Variants in KIRREL3 observed in about 807,000 individuals in gnomAD.
KIRREL3 encodes the protein kin of IRRE-like protein 3.
In KIRREL3, 36 loss-of-function variants were observed where a neutral mutation model predicts 89.7. The observed-to-expected ratio is 0.40, with a 90% CI of 0.31 to 0.53. The LOEUF is 0.53. Among genes scored for constraint, KIRREL3 ranks in the 20% least tolerant of loss-of-function variants. The pLI is 0.49. For synonymous variants in KIRREL3, 445 were observed against 441.4 expected, an observed-to-expected ratio of 1.01 and a Z score of -0.10; for missense variants, 864 against 1,056.6, an observed-to-expected ratio of 0.82 and a Z score of 2.53.
intron 1 of KIRREL3, among the ~76,000 whole-genome samples, chr11:126,859,447 T>C (rs923141116): frequency 2.0e-5 from 3 of 152,076 alleles, no homozygotes; most frequent in Non-Finnish European, 4.4e-5. Context: ...ATACAAGCCA[T>C]TTTATAAACA....
At chr11:126,591,845 T>C (rs1942149173) in intron 1 of KIRREL3, among the ~76,000 whole-genome samples, 1 of 152,184 alleles carries the variant, frequency 6.6e-6, no homozygotes, top group Non-Finnish European at 1.5e-5. Context: ...TTTAAGTAAC[T>C]TACACTTGGC....
In KIRREL3 at chr11:126,628,815, G is replaced by A. The variant is rs901434337; in HGVS notation, c.56-65903C>T. Among the ~76,000 whole-genome samples, 3 of 152,268 alleles carry A rather than the reference G, an allele frequency of 2.0e-5. No homozygotes were observed. The highest frequency in any genetic ancestry group is 6.5e-5 in the Admixed American group (1 of 15,304). Reference sequence around the variant, plus strand: ...CTCGCCTCTACTGCCCCCTCCGCTCGCTCTGCCTGTGCAGGGTCCATCCTG... The same window carrying A: ...CTCGCCTCTACTGCCCCCTCCGCTCACTCTGCCTGTGCAGGGTCCATCCTG... On this transcript the variant is annotated intron_variant, in intron 1 of 16. Transcript: ENST00000525144. The surrounding 1 kb of genome is among the most constrained non-coding windows in gnomAD (Gnocchi z 5.2).
At chr11:126,998,983 A>C (rs758148584) in intron 1 of KIRREL3, among the ~76,000 whole-genome samples, 11 of 144,694 alleles carry the variant, frequency 7.6e-5, no homozygotes, top group Non-Finnish European at 1.3e-4. Context: ...ATACACATCC[A>C]AGAAAGAGGG....
intron 5 of KIRREL3, among the ~76,000 whole-genome samples, chr11:126,468,201 G>A (rs1956784466): frequency 6.6e-6 from 1 of 152,156 alleles, no homozygotes; most frequent in Non-Finnish European, 1.5e-5. Context: ...CCTGCTGTGT[G>A]GACTTGGGGG....
intron 1 of KIRREL3, chr11:126,936,883 A>T (rs536546171): frequency 6.6e-6 from 1 of 152,246 alleles, no homozygotes; most frequent in African/African-American, 2.4e-5. Flanking sequence ...TTGCAAAGTT[A>T]AAACAGTAAA....
intron 1 of KIRREL3, among the ~76,000 whole-genome samples, chr11:126,971,630 T>G (rs1000444991): frequency 6.6e-6 from 1 of 152,192 alleles, no homozygotes; most frequent in Non-Finnish European, 1.5e-5. Flanking sequence ...GAAAATATCA[T>G]CAGTCCGATT....
Position 126,782,089 on chromosome 11 carries a change from TC to T in KIRREL3, c.55+218365del, listed in dbSNP as rs1174040932. Among the ~76,000 whole-genome samples, 3 of 86,384 alleles carry T rather than the reference TC, an allele frequency of 3.5e-5. No homozygotes were observed. Among genetic ancestry groups the T allele is most frequent in the African/African-American group, 1.2e-4 (3 of 25,302 alleles). 56.7% of individuals were successfully genotyped at this position (86,384 alleles called of 152,430 possible). ...GCGATGTGCTCAGCATATAATTTCC[TC>T]CTCCTGGGTTCACAGGAAGACAGGC... On this transcript the variant is annotated intron_variant, in intron 1 of 16. Coordinates refer to ENST00000525144, the MANE Select transcript of KIRREL3 (RefSeq NM_032531.4). The surrounding 1 kb of genome is among the most constrained non-coding windows in gnomAD (Gnocchi z 4.1).
At position 126,583,798 on chromosome 11, in the gene KIRREL3, G is replaced by A. The variant is rs1048151478; in HGVS notation, c.56-20886C>T. On this transcript the variant is annotated intron_variant, in intron 1 of 16. Transcript: ENST00000525144. Reference sequence around the variant, plus strand: ...GCTCCTGCTGTCACGACCCTCGCCCGGGGAAATGCCTGTCTTCTCCATTTA... The same window carrying A: ...GCTCCTGCTGTCACGACCCTCGCCCAGGGAAATGCCTGTCTTCTCCATTTA... Among the ~76,000 whole-genome samples the A allele has an allele frequency of 7.2e-5, 11 of 152,290 alleles. No individual in the cohort carries two copies. In the East Asian group the frequency reaches 9.7e-4, roughly 13 times the overall value.
chr11:126,766,681 A>C lies in KIRREL3; in HGVS notation c.56-203769T>G, dbSNP rs1054072418. Among the ~76,000 whole-genome samples the C allele has an allele frequency of 6.6e-6, 1 of 152,088 alleles. No homozygotes were observed. The highest frequency in any genetic ancestry group is 1.9e-4 in the East Asian group (1 of 5,178). ...GGAAGTTCTTTTCTGGGGCTTTGAT[A>C]ATCTCAATAGGCACTTACAGAATTG... is the stretch of plus-strand genomic sequence containing the variant. On this transcript the variant is annotated intron_variant, in intron 1 of 16. Transcript: ENST00000525144. The surrounding 1 kb of genome is among the most constrained non-coding windows in gnomAD (Gnocchi z 4.2).
chr11:126,603,886 A>G (rs1942771556), intron 1 of KIRREL3, among the ~76,000 whole-genome samples: 1 of 152,154 alleles, frequency 6.6e-6, no homozygotes, highest in Non-Finnish European at 1.5e-5. Flanking sequence ...TGTCTCCCCA[A>G]ATAGCCCCCC....
rs1358293694 is a variant in KIRREL3 at position 126,535,047 on chromosome 11, G to T, written c.134-8360C>A. On this transcript the variant is annotated intron_variant, in intron 2 of 16. Transcript: ENST00000525144. The surrounding 1 kb of genome is among the most constrained non-coding windows in gnomAD (Gnocchi z 4.5). ...GACAGGTGTGGCCTGGCCTAGGGAG[G>T]TGGGCAGGAGGTGGAGCATTTGGTG... is the stretch of plus-strand genomic sequence containing the variant. Among the ~76,000 whole-genome samples the T allele has an allele frequency of 6.6e-6, 1 of 152,132 alleles. No individual in the cohort carries two copies. Among genetic ancestry groups the T allele is most frequent in the Non-Finnish European group, 1.5e-5 (1 of 68,036 alleles).
intron 4 of KIRREL3, among the ~76,000 whole-genome samples, chr11:126,505,177 T>C (rs1791781810): frequency 6.6e-6 from 1 of 152,226 alleles, no homozygotes; most frequent in African/African-American, 2.4e-5. Context: ...CAAAAATGCA[T>C]TAGGTTGGAA....
chr11:126,888,099 G>A (rs1410675345), intron 1 of KIRREL3, among the ~76,000 whole-genome samples: 1 of 152,234 alleles, frequency 6.6e-6, no homozygotes, highest in East Asian at 1.9e-4. Flanking sequence ...CTGTGTGAGA[G>A]TACTTTGGAA....
chr11:126,982,592 C>T (rs763277510), intron 1 of KIRREL3, among the ~76,000 whole-genome samples: 35 of 152,180 alleles, frequency 2.3e-4, no homozygotes, highest in Non-Finnish European at 4.0e-4. Context: ...CTGGAGCTGC[C>T]ACTTCTCCTT....
rs73633743 is a variant in KIRREL3, at chr11:126,522,667, C to T, written c.284-1203G>A. Among the ~76,000 whole-genome samples the T allele has an allele frequency of 8.1e-3, 1,235 of 152,362 alleles. 19 individuals are homozygous for T. Among genetic ancestry groups the T allele is most frequent in the African/African-American group, 0.028 (1,181 of 41,582 alleles). ...GCCACCTTAGGCAGATCCTCTCTTTCCTGGGTCTCGGGCCCTACACCTCCC... is the reference window on the plus strand; with the variant it reads ...GCCACCTTAGGCAGATCCTCTCTTTTCTGGGTCTCGGGCCCTACACCTCCC... On this transcript the variant is annotated intron_variant, in intron 3 of 16. Coordinates refer to ENST00000525144, the MANE Select transcript of KIRREL3 (RefSeq NM_032531.4). This position sits in a 1 kb window ranked among gnomAD's most constrained non-coding sequence, Gnocchi z 6.0.
rs1949366530 is a variant in KIRREL3 at position 126,969,367 on chromosome 11, G to A, written c.55+31088C>T. 6.6e-6 allele frequency among the ~76,000 whole-genome samples: 1 copy of A among 152,164 alleles called. No homozygotes were observed. The highest frequency in any genetic ancestry group is 1.5e-5 in the Non-Finnish European group (1 of 68,030). ...GAAAACGCCTGGGCAATTCCCTGCAGTGTGGCAGGTGTGAAGGTGGAGGTA... is the reference window on the plus strand; with the variant it reads ...GAAAACGCCTGGGCAATTCCCTGCAATGTGGCAGGTGTGAAGGTGGAGGTA... On this transcript the variant is annotated intron_variant, in intron 1 of 16. Coordinates refer to ENST00000525144, the MANE Select transcript of KIRREL3 (RefSeq NM_032531.4). This position sits in a 1 kb window ranked among gnomAD's most constrained non-coding sequence, Gnocchi z 4.9.
Position 126,609,316 on chromosome 11 carries a change from C to G in KIRREL3, c.56-46404G>C, listed in dbSNP as rs542947379. On this transcript the variant is annotated intron_variant, in intron 1 of 16. Transcript: ENST00000525144. This position sits in a 1 kb window ranked among gnomAD's most constrained non-coding sequence, Gnocchi z 5.0. ...AGAGGGCTAATGTATGTCTTCCCCC[C>G]GGGCTGGTGGCTGGGTTAATTGGAC... is the stretch of plus-strand genomic sequence containing the variant. Among the ~76,000 whole-genome samples the G allele has an allele frequency of 6.6e-6, 1 of 152,186 alleles. No individual in the cohort carries two copies. Among genetic ancestry groups the G allele is most frequent in the Non-Finnish European group, 1.5e-5 (1 of 68,034 alleles).
intron 1 of KIRREL3, among the ~76,000 whole-genome samples, chr11:126,654,805 T>C (rs141210496): frequency 6.6e-6 from 1 of 152,238 alleles, no homozygotes; most frequent in East Asian, 1.9e-4. Flanking sequence ...TTTTTTATTT[T>C]TTTATTTTTT....
chr11:126,938,231 A>G (rs1442252747), intron 1 of KIRREL3, among the ~76,000 whole-genome samples: 1 of 152,236 alleles, frequency 6.6e-6, no homozygotes, highest in Admixed American at 6.5e-5. Context: ...ACCAACATCA[A>G]AATGCCAGCA....
Sources: gnomAD v4.1 joint callset for allele counts (sites outside exome capture counted in the v4.1 genomes callset) on GRCh38, gnomAD v4.1.1 for gene constraint, Gnocchi (gnomAD v3.1) non-coding constraint, MANE v1.5 for transcripts, NCBI Gene and HGNC (gene_info 2026-07-23, HGNC 2026-07-21) for gene names.